MOB3B: variants seen among roughly 807,000 people sequenced by gnomAD.
MOB3B encodes the protein MOB kinase activator 3B, also known as MOB kinase activator-like 2B.
A neutral mutation model predicts 18.7 loss-of-function variants in MOB3B; 7 were observed. The ratio of observed to expected loss-of-function variants is 0.37; its 90% CI spans 0.21 to 0.70. The LOEUF is 0.70. Among genes scored for constraint, MOB3B ranks in the 30% least tolerant of loss-of-function variants. The pLI is 0.52. For missense variants in MOB3B, 253 were observed against 281.3 expected (o/e 0.90, Z 0.72); for synonymous variants, 111 against 99.9 (o/e 1.11, Z -0.66).
At chr9:27,396,572 A>G (rs1014386648) in intron 2 of MOB3B, among the ~76,000 whole-genome samples, 6 of 152,118 alleles carry the variant, frequency 3.9e-5, no homozygotes, top group African/African-American at 1.4e-4. Flanking sequence ...ATATTTCCTT[A>G]CTACTTTATG....
intron 1 of MOB3B, among the ~76,000 whole-genome samples, chr9:27,501,766 CAA>C (rs36090681): frequency 0.9 from 115,884 of 129,318 alleles, 51,971 homozygotes; most frequent in East Asian, 0.98. Flanking sequence ...GACTCTGTCT[CAA>C]AAAAAAAAAA....
At chr9:27,390,409 C>A (rs1166485783) in intron 2 of MOB3B, among the ~76,000 whole-genome samples, 1 of 152,168 alleles carries the variant, frequency 6.6e-6, no homozygotes, top group East Asian at 1.9e-4. Context: ...GCCATGTTGA[C>A]CAGGTTGGTC....
intron 1 of MOB3B, among the ~76,000 whole-genome samples, chr9:27,482,568 T>A (rs1387897373): frequency 1.3e-5 from 2 of 152,214 alleles, no homozygotes; most frequent in East Asian, 3.8e-4. Context: ...AGGTCTCAAA[T>A]GTTCAGTGTG....
intron 3 of MOB3B, among the ~76,000 whole-genome samples, chr9:27,340,680 C>G (rs1820927408): frequency 6.6e-6 from 1 of 152,172 alleles, no homozygotes; most frequent in Non-Finnish European, 1.5e-5. Flanking sequence ...GGCTGATGCA[C>G]TGATGGGACA....
intron 1 of MOB3B, among the ~76,000 whole-genome samples, chr9:27,491,965 A>C (rs1439551647): frequency 1.3e-5 from 2 of 152,252 alleles, no homozygotes; most frequent in African/African-American, 4.8e-5. Flanking sequence ...TATCTCTTTT[A>C]AAGTCTTGTC....
intron 2 of MOB3B, among the ~76,000 whole-genome samples, chr9:27,363,982 C>T (rs527450790): frequency 7.2e-5 from 11 of 152,082 alleles, no homozygotes; most frequent in East Asian, 5.8e-4. Flanking sequence ...TGGGCTCAAG[C>T]GATCCTCCCA....
At chr9:27,427,553 C>A (rs1822352829) in intron 2 of MOB3B, among the ~76,000 whole-genome samples, 1 of 152,168 alleles carries the variant, frequency 6.6e-6, no homozygotes, top group Admixed American at 6.5e-5. Flanking sequence ...ATAGAAGGCA[C>A]TAATAAATCT....
At chr9:27,515,026 T>C (rs1265593127) in intron 1 of MOB3B, among the ~76,000 whole-genome samples, 1 of 152,234 alleles carries the variant, frequency 6.6e-6, no homozygotes, top group Non-Finnish European at 1.5e-5. Flanking sequence ...TTAGTTTTGT[T>C]GTTGCTTCAT....
At chr9:27,445,249 TA>T (rs533652859) in intron 2 of MOB3B, among the ~76,000 whole-genome samples, 36 of 152,344 alleles carry the variant, frequency 2.4e-4, no homozygotes, top group African/African-American at 7.5e-4. Context: ...TTACGTCACT[TA>T]ATTCTGATAA....
At chr9:27,493,442 C>A (rs539007944) in intron 1 of MOB3B, among the ~76,000 whole-genome samples, 1 of 152,236 alleles carries the variant, frequency 6.6e-6, no homozygotes, top group South Asian at 2.1e-4. Context: ...AGATCGAGAC[C>A]ATCCTGGCTA....
intron 2 of MOB3B, among the ~76,000 whole-genome samples, chr9:27,431,109 A>C: frequency 6.6e-6 from 1 of 152,218 alleles, no homozygotes; most frequent in East Asian, 1.9e-4. Flanking sequence ...AATTATTTTA[A>C]AGATAAATTC....
chr9:27,326,334 C>G lies in MOB3B; in HGVS notation c.*4253G>C. 2.5e-6 allele frequency: 1 copy of G among 396,524 alleles called. No homozygotes were observed. 24.6% of individuals were successfully genotyped at this position (396,524 alleles called of 1,614,324 possible). A position where few individuals can be genotyped will look rare whatever the true frequency, so the allele number is the denominator to read the frequency against. ...TTGCAAGGGAAAGGAGGCTGAAGCA[C>G]AACTGGTAATAGCCTTCAGATATTT... On this transcript the variant is annotated 3_prime_UTR_variant, in exon 4 of 4. Transcript: ENST00000262244.
intron 2 of MOB3B, among the ~76,000 whole-genome samples, chr9:27,447,338 C>G (rs1012386841): frequency 3.9e-5 from 6 of 152,148 alleles, no homozygotes; most frequent in African/African-American, 1.4e-4. Flanking sequence ...GTACAGGCTT[C>G]GTTGACTAAG....
At chr9:27,497,125 T>C (rs369077390) in intron 1 of MOB3B, among the ~76,000 whole-genome samples, 1 of 152,162 alleles carries the variant, frequency 6.6e-6, no homozygotes, top group East Asian at 1.9e-4. Flanking sequence ...AGAAAGATAT[T>C]CTTAGAAAAG....
At chr9:27,404,664 A>G (rs927080885) in intron 2 of MOB3B, among the ~76,000 whole-genome samples, 4 of 151,736 alleles carry the variant, frequency 2.6e-5, no homozygotes, top group African/African-American at 9.7e-5. Flanking sequence ...GGCTAATTAA[A>G]CCACATTTTC....
intron 1 of MOB3B, among the ~76,000 whole-genome samples, chr9:27,478,931 A>T (rs545102180): frequency 3.7e-4 from 57 of 152,076 alleles, no homozygotes; most frequent in Non-Finnish European, 6.9e-4. Flanking sequence ...TTACAAACTT[A>T]ATAATGGCAA....
intron 1 of MOB3B, among the ~76,000 whole-genome samples, chr9:27,488,878 G>A (rs548513753): frequency 2.6e-5 from 4 of 152,200 alleles, no homozygotes; most frequent in Non-Finnish European, 2.9e-5. Flanking sequence ...CACTTATGTT[G>A]TGCCAGGGCT....
At chr9:27,407,151 G>A (rs896989670) in intron 2 of MOB3B, among the ~76,000 whole-genome samples, 6 of 152,122 alleles carry the variant, frequency 3.9e-5, no homozygotes, top group African/African-American at 1.4e-4. Flanking sequence ...GATTTCTTGA[G>A]TAAGATTTCA....
At chr9:27,509,194 A>T (rs1177892379) in intron 1 of MOB3B, among the ~76,000 whole-genome samples, 1 of 152,198 alleles carries the variant, frequency 6.6e-6, no homozygotes, top group Non-Finnish European at 1.5e-5. Flanking sequence ...AAATACATAA[A>T]TATACACATA....
Sources: gnomAD v4.1 joint callset for allele counts (sites outside exome capture counted in the v4.1 genomes callset) on GRCh38, gnomAD v4.1.1 for gene constraint, MANE v1.5 for transcripts, NCBI Gene and HGNC (gene_info 2026-07-23, HGNC 2026-07-21) for gene names.